LRP1: variants seen among roughly 807,000 people sequenced by gnomAD.
The protein encoded by LRP1 is LDL receptor related protein 1, also known as prolow-density lipoprotein receptor-related protein 1.
In LRP1, 51 loss-of-function variants were observed where a neutral mutation model predicts 541.5. That is an observed-to-expected ratio of 0.09 (90% CI 0.08 to 0.12). The LOEUF (loss-of-function observed/expected upper bound fraction) is 0.12, where lower values mean the gene tolerates loss of function less well. LRP1 is among the 10% of genes least tolerant of loss of function. The pLI is 1.00. For synonymous variants in LRP1, 2,219 were observed against 2,470.8 expected (o/e 0.90, Z 3.02); for missense variants, 3,878 against 6,376.2 (o/e 0.61, Z 13.34).
Position 57,194,600 on chromosome 12 carries a change from C to T in LRP1, c.8092C>T (p.Leu2698=). ...AGGTGTGAAACGCCCCAGATGCCCT[C>T]TGAATTACTTCGCCTGCCCTAGTGG... ...CPGVKRPRCP[L]NYFACPSGRC... The change falls in exon 50 of 89, where the codon CTG becomes TTG. Residue 2698 remains leucine (L), a synonymous_variant. Transcript: ENST00000243077. The T allele has an allele frequency of 1.9e-6, 3 of 1,612,390 alleles. No individual in the cohort carries two copies. The highest frequency in any genetic ancestry group is 2.5e-6 in the Non-Finnish European group (3 of 1,179,888).
chr12:57,193,623 A>G lies in LRP1; in HGVS notation c.7742A>G (p.Asn2581Ser). The G allele has an allele frequency of 6.2e-7, 1 of 1,614,188 alleles. No homozygotes were observed. Among genetic ancestry groups the G allele is most frequent in the Non-Finnish European group, 8.5e-7 (1 of 1,180,024 alleles). The change falls in exon 47 of 89, where the codon AAC becomes AGC. Residue 2581 changes from asparagine (N) to serine (S), a missense_variant. Asn to Ser is a conservative substitution (Grantham distance 46). Transcript: ENST00000243077. The stretch of plus-strand genomic sequence containing the variant: ...TGCAGCAATGGGCGCTGTGTGTCCA[A>G]CATGCTGTGGTGCAACGGGGCCGAC... The part of the protein sequence containing the change: ...RQCSNGRCVS[N>S]MLWCNGADDC...
intron 1 of LRP1, among the ~76,000 whole-genome samples, chr12:57,137,021 C>T (rs1309393153): frequency 6.6e-6 from 1 of 152,132 alleles, no homozygotes; most frequent in Non-Finnish European, 1.5e-5. Context: ...ATGGATGTAT[C>T]AGATGAGGTT....
intron 31 of LRP1, 73 bp from the exon 32 acceptor site, chr12:57,180,257 C>G: frequency 6.3e-7 from 1 of 1,591,722 alleles, no homozygotes; most frequent in Admixed American, 1.7e-5. Flanking sequence ...AGTGCCTGTT[C>G]TCACCATCTG....
chr12:57,186,036 A>G (rs903690425), intron 41 of LRP1, 128 bp downstream of exon 41: 3 of 1,079,020 alleles, frequency 2.8e-6, no homozygotes, highest in Non-Finnish European at 3.9e-6. Context: ...GCTGAATCCA[A>G]CTGCACCCCC....
chr12:57,210,510 C>T, intron 82 of LRP1, 30 bp downstream of exon 82: 1 of 1,517,826 alleles, frequency 6.6e-7, no homozygotes, highest in Non-Finnish European at 8.8e-7. Flanking sequence ...CACGCCTGCT[C>T]CTTGCCCCTG....
chr12:57,152,974 C>G (rs1028478860), intron 6 of LRP1, among the ~76,000 whole-genome samples: 2 of 152,100 alleles, frequency 1.3e-5, no homozygotes, highest in African/African-American at 4.8e-5. Context: ...AGGGAGGGGT[C>G]AAGCAGAACA....
At position 57,206,689 on chromosome 12, in the gene LRP1, C is replaced by A; in HGVS notation, c.11807C>A (p.Thr3936Asn). ...YRSLPPAAPPTTSNRHRRQID... is the reference protein window; with the variant it reads ...YRSLPPAAPPNTSNRHRRQID... ...AGCCTGCCACCTGCTGCGCCTCCTA[C>A]CACTTCCAACCGCCACCGGCGACAG... Residue 3936 changes from threonine (T) to asparagine (N), a missense_variant, in exon 76 of 89, where the codon ACC (threonine) becomes AAC (asparagine). Coordinates refer to ENST00000243077, the MANE Select transcript of LRP1 (RefSeq NM_002332.3). The surrounding 1 kb of genome is among the most constrained non-coding windows in gnomAD (Gnocchi z 4.7). 2 of 1,613,560 alleles carry A rather than the reference C, an allele frequency of 1.2e-6. No homozygotes were observed. Among genetic ancestry groups the A allele is most frequent in the Non-Finnish European group, 1.7e-6 (2 of 1,180,030 alleles).
rs555222764 is a variant in LRP1 at position 57,208,211 on chromosome 12, G to A, written c.12033G>A (p.Leu4011=). 23 of 1,613,290 alleles carry A rather than the reference G, an allele frequency of 1.4e-5. 1 individual carries two copies. In the South Asian group the frequency reaches 2.5e-4, roughly 18 times the overall value. The change falls in exon 77 of 89, where the codon CTG becomes CTA. Residue 4011 remains leucine (L), a synonymous_variant. Transcript: ENST00000243077. The stretch of plus-strand genomic sequence containing the variant: ...CCCACGCCATTGTGGTGGACCCACT[G>A]AGGGGGTGGGCAAGGGCCCTGGGGG... ...DEPHAIVVDP[L]RGTMYWSDWG...
Position 57,202,543 on chromosome 12 carries a change from T to TGGGCCCCCCCCCC in LRP1, c.10711+6_10711+7insGGGCCCCCCCCCC. 6.6e-7 allele frequency: 1 copy of TGGGCCCCCCCCCC among 1,523,630 alleles called. No individual in the cohort carries two copies. Among genetic ancestry groups the TGGGCCCCCCCCCC allele is most frequent in the Non-Finnish European group, 8.9e-7 (1 of 1,124,806 alleles). The allele number at this position is 1,523,630 out of a possible 1,614,324, so 94.4% of individuals were successfully genotyped here. ...CTCCGATGAAGAGAGCTGCAGTACGTCCCCACCCACCCAGCCCCGCATGAG... is the reference window on the plus strand; with the variant it reads ...CTCCGATGAAGAGAGCTGCAGTACGTGGGCCCCCCCCCCCCCCACCCACCCAGCCCCGCATGAG... On this transcript the variant is annotated splice_region_variant and intron_variant, in intron 68 of 88. Coordinates refer to ENST00000243077, the MANE Select transcript of LRP1 (RefSeq NM_002332.3).
chr12:57,186,050 G>A (rs2036264204), intron 41 of LRP1, 142 bp downstream of exon 41: 1 of 960,902 alleles, frequency 1.0e-6, no homozygotes, highest in Non-Finnish European at 1.5e-6. Context: ...CACCCCCGCA[G>A]TTACATGACT....
In LRP1 at chr12:57,205,542, T is replaced by C; in HGVS notation, c.11471-16T>C. 6.2e-7 allele frequency: 1 copy of C among 1,613,806 alleles called. No homozygotes were observed. Among genetic ancestry groups the C allele is most frequent in the Non-Finnish European group, 8.5e-7 (1 of 1,179,952 alleles). On this transcript the variant is annotated splice_polypyrimidine_tract_variant and intron_variant, in intron 74 of 88. Transcript: ENST00000243077. The surrounding 1 kb of genome is among the most constrained non-coding windows in gnomAD (Gnocchi z 4.6). ...CCCCAACTGTGGACTCTCATGACCC[T>C]CCCTGTAACCCTTAGACATCAACGA...
At chr12:57,203,331 T>C in intron 69 of LRP1, 44 bp downstream of exon 69, 3 of 1,590,556 alleles carry the variant, frequency 1.9e-6, no homozygotes, top group Non-Finnish European at 2.6e-6. Context: ...TCAGAGGAGT[T>C]CAGGCAGGGC....
chr12:57,156,083 G>C lies in LRP1; in HGVS notation c.1228-11G>C. On this transcript the variant is annotated splice_polypyrimidine_tract_variant and intron_variant, in intron 8 of 88. Coordinates refer to ENST00000243077, the MANE Select transcript of LRP1 (RefSeq NM_002332.3). The surrounding 1 kb of genome is among the most constrained non-coding windows in gnomAD (Gnocchi z 5.2). The stretch of plus-strand genomic sequence containing the variant: ...CATCTCATGCTGTCCATTCTTGCCT[G>C]CCCGTCTCAGATTGAGCACCTGTAC... The C allele has an allele frequency of 2.5e-6, 4 of 1,611,740 alleles. No homozygotes were observed. Among genetic ancestry groups the C allele is most frequent in the Non-Finnish European group, 3.4e-6 (4 of 1,178,448 alleles).
chr12:57,204,396 C>A lies in LRP1; in HGVS notation c.10952-14C>A, dbSNP rs756214691. ...TCATGGCTCATTCTATCTCTTGGCTCCCCCTGGCACCAGTGCGGACCTGCC... is the reference window on the plus strand; with the variant it reads ...TCATGGCTCATTCTATCTCTTGGCTACCCCTGGCACCAGTGCGGACCTGCC... On this transcript the variant is annotated splice_polypyrimidine_tract_variant and intron_variant, in intron 70 of 88. Coordinates refer to ENST00000243077, the MANE Select transcript of LRP1 (RefSeq NM_002332.3). This position sits in a 1 kb window ranked among gnomAD's most constrained non-coding sequence, Gnocchi z 5.3. 1 of 1,514,202 alleles carries A rather than the reference C, an allele frequency of 6.6e-7. No homozygotes were observed. The highest frequency in any genetic ancestry group is 1.4e-5 in the African/African-American group (1 of 71,820). 93.8% of individuals were successfully genotyped at this position (1,514,202 alleles called of 1,614,324 possible). A position where few individuals can be genotyped will look rare whatever the true frequency, so the allele number is the denominator to read the frequency against.
In LRP1 at chr12:57,178,878, C is replaced by T. The variant is rs1433633835; in HGVS notation, c.4607-12C>T. 1.2e-6 allele frequency: 2 copies of T among 1,607,458 alleles called. No homozygotes were observed. The highest frequency in any genetic ancestry group is 1.7e-6 in the Non-Finnish European group (2 of 1,177,768). ...ATGCTCTGGCTTCTTCTCTTCTCCA[C>T]CCTGCCCCCAGCTCCCAATCCCTGT... On this transcript the variant is annotated splice_polypyrimidine_tract_variant and intron_variant, in intron 27 of 88. Coordinates refer to ENST00000243077, the MANE Select transcript of LRP1 (RefSeq NM_002332.3). The surrounding 1 kb of genome is among the most constrained non-coding windows in gnomAD (Gnocchi z 5.8).
chr12:57,209,049 G>A (rs1000022318), intron 78 of LRP1, 34 bp from the exon 79 acceptor site: 3 of 1,563,626 alleles, frequency 1.9e-6, no homozygotes, highest in Middle Eastern at 1.7e-4. Flanking sequence ...GGGTTGGGGA[G>A]GCCAAGCTCT....
Position 57,178,848 on chromosome 12 carries a change from A to G in LRP1, c.4607-42A>G. The G allele has an allele frequency of 4.4e-6, 7 of 1,587,122 alleles. No individual in the cohort carries two copies. The highest frequency in any genetic ancestry group is 5.1e-6 in the Non-Finnish European group (6 of 1,170,456). Reference sequence around the variant, plus strand: ...TGGTCCATGTAGGGAGCAGCAAGTCACAGGATGCTCTGGCTTCTTCTCTTC... The same window carrying G: ...TGGTCCATGTAGGGAGCAGCAAGTCGCAGGATGCTCTGGCTTCTTCTCTTC... On this transcript the variant is annotated intron_variant, in intron 27 of 88. Coordinates refer to ENST00000243077, the MANE Select transcript of LRP1 (RefSeq NM_002332.3). This position sits in a 1 kb window ranked among gnomAD's most constrained non-coding sequence, Gnocchi z 5.8.
At chr12:57,148,120 A>G (rs1456968330) in intron 6 of LRP1, among the ~76,000 whole-genome samples, 1 of 148,296 alleles carries the variant, frequency 6.7e-6, no homozygotes, top group Admixed American at 6.7e-5. Flanking sequence ...CAAAGGGGCT[A>G]TGCATTGATT....
At position 57,158,559 on chromosome 12, in the gene LRP1, C is replaced by G; in HGVS notation, c.1719C>G (p.Ile573Met). The change falls in exon 11 of 89, where the codon ATC becomes ATG. Residue 573 changes from isoleucine (I) to methionine (M), a missense_variant. This residue lies in a region of LRP1 where 496 missense variants were observed against 861.0 expected (regional missense o/e 0.58). Coordinates refer to ENST00000243077, the MANE Select transcript of LRP1 (RefSeq NM_002332.3). The surrounding 1 kb of genome is among the most constrained non-coding windows in gnomAD (Gnocchi z 5.3). ...ACTTCCACGCTGAGACCGGCTTCAT[C>G]TACTTTGCCGACACCACCAGCTACC... Reference protein sequence around the residue: ...ALDFHAETGFIYFADTTSYLI... With the variant: ...ALDFHAETGFMYFADTTSYLI... 1.2e-6 allele frequency: 2 copies of G among 1,614,196 alleles called. No individual in the cohort carries two copies. Among genetic ancestry groups the G allele is most frequent in the Non-Finnish European group, 1.7e-6 (2 of 1,180,030 alleles).
Sources: gnomAD v4.1 joint callset for allele counts (sites outside exome capture counted in the v4.1 genomes callset) on GRCh38, gnomAD v4.1.1 for gene constraint, gnomAD v4.1.1 regional missense constraint, Gnocchi (gnomAD v3.1) non-coding constraint, MANE v1.5 for transcripts, NCBI Gene and HGNC (gene_info 2026-07-23, HGNC 2026-07-21) for gene names.